The following RYR2 variants were observed in gnomAD, a reference collection of about 807,000 sequenced individuals.
The protein encoded by RYR2 is ryanodine receptor 2, also known as cardiac muscle ryanodine receptor-calcium release channel.
In RYR2, 227 loss-of-function variants were observed where a neutral mutation model predicts 601.1. The ratio of observed to expected loss-of-function variants is 0.38; its 90% confidence interval spans 0.34 to 0.42. RYR2 has a LOEUF of 0.42. Among genes scored for constraint, RYR2 ranks in the 10% least tolerant of loss-of-function variants. The pLI is 1.00. For missense variants in RYR2, 4,646 were observed against 6,156.5 expected, an observed-to-expected ratio of 0.75 and a Z score of 8.21; for synonymous variants, 2,223 against 2,175.1, an observed-to-expected ratio of 1.02 and a Z score of -0.61.
intron 2 of RYR2, among the ~76,000 whole-genome samples, chr1:237,318,967 T>C (rs557677088): frequency 1.3e-5 from 2 of 152,316 alleles, no homozygotes; most frequent in East Asian, 3.9e-4. Flanking sequence ...TACTTGACGT[T>C]ATTCCACTGG....
intron 84 of RYR2, among the ~76,000 whole-genome samples, chr1:237,765,615 T>C (rs1015703856): frequency 1.3e-4 from 20 of 152,230 alleles, no homozygotes; most frequent in African/African-American, 4.1e-4. Flanking sequence ...TTTGATACTC[T>C]TGATTGCTTA....
At position 237,634,697 on chromosome 1, in the gene RYR2, A is replaced by G. The variant is rs7538471; in HGVS notation, c.6689-192A>G. Among the ~76,000 whole-genome samples, 62,883 of 152,030 alleles carry G rather than the reference A, an allele frequency of 0.41. 13,508 individuals are homozygous for G. The highest frequency in any genetic ancestry group is 0.54 in the African/African-American group (22,538 of 41,434). On this transcript the variant is annotated intron_variant, in intron 43 of 104. Transcript: ENST00000366574. ...ACAAAGTATACATATATTTCAAAAC[A>G]TGTACACAATATATACAATTTTTAT...
At chr1:237,581,087 T>C (rs1338097380) in intron 29 of RYR2, among the ~76,000 whole-genome samples, 3 of 152,220 alleles carry the variant, frequency 2.0e-5, no homozygotes, top group South Asian at 2.1e-4. Flanking sequence ...GGAACAGCCT[T>C]ATATTATCAG....
At chr1:237,297,459 G>A (rs79264835) in intron 2 of RYR2, among the ~76,000 whole-genome samples, 1 of 152,042 alleles carries the variant, frequency 6.6e-6, no homozygotes, top group Non-Finnish European at 1.5e-5. Context: ...GAAAAGTAAA[G>A]GTGGGTATTA....
At chr1:237,426,268 A>T (rs1226847026) in intron 12 of RYR2, among the ~76,000 whole-genome samples, 1 of 152,122 alleles carries the variant, frequency 6.6e-6, no homozygotes, top group African/African-American at 2.4e-5. Flanking sequence ...GTAGGTCTTT[A>T]TTCTCCATTG....
chr1:237,779,296 A>G (rs909638451), intron 88 of RYR2, among the ~76,000 whole-genome samples: 1 of 152,220 alleles, frequency 6.6e-6, no homozygotes, highest in African/African-American at 2.4e-5. Context: ...CAGATTTTCT[A>G]CCATGTTTAA....
At chr1:237,068,881 G>T (rs1663971484) in intron 1 of RYR2, among the ~76,000 whole-genome samples, 1 of 151,950 alleles carries the variant, frequency 6.6e-6, no homozygotes, top group Non-Finnish European at 1.5e-5. Flanking sequence ...CTGCTCCTAG[G>T]TGAGCCAGTT....
chr1:237,307,139 G>A (rs16835136), intron 2 of RYR2, among the ~76,000 whole-genome samples: 8,223 of 148,954 alleles, frequency 0.055, 449 homozygotes, highest in African/African-American at 0.14. Context: ...GCTCTAGGAT[G>A]ATAATGTCAT....
chr1:237,717,718 C>T (rs1689379389), intron 72 of RYR2, among the ~76,000 whole-genome samples: 1 of 152,098 alleles, frequency 6.6e-6, no homozygotes, highest in Non-Finnish European at 1.5e-5. Flanking sequence ...ATGTTAAAAG[C>T]ATAATATATT....
intron 29 of RYR2, among the ~76,000 whole-genome samples, chr1:237,586,411 C>T (rs1344776579): frequency 6.6e-6 from 1 of 152,100 alleles, no homozygotes; most frequent in Non-Finnish European, 1.5e-5. Context: ...ATTATACATA[C>T]AAGATCTAAC....
At chr1:237,757,625 G>A in intron 81 of RYR2, 72 bp from the exon 82 acceptor site, 1 of 954,222 alleles carries the variant, frequency 1.0e-6, no homozygotes, top group Non-Finnish European at 1.7e-6. Flanking sequence ...TAAAAGTGCA[G>A]CATTGGAGGT....
intron 2 of RYR2, among the ~76,000 whole-genome samples, chr1:237,308,321 C>T (rs1275962218): frequency 5.9e-5 from 9 of 152,142 alleles, no homozygotes; most frequent in Non-Finnish European, 1.2e-4. Flanking sequence ...CTAGGGTGGA[C>T]ACGTTCCTCC....
intron 33 of RYR2, among the ~76,000 whole-genome samples, chr1:237,594,886 G>GTTTTTTTTGTTTTGTTTTTTTT (rs1675642723): frequency 1.7e-5 from 1 of 60,418 alleles, no homozygotes; most frequent in Admixed American, 2.3e-4. Flanking sequence ...ATATCACTGG[G>GTTTTTTTTGTTTTGTTTTTTTT]TTTTTTTTTT....
At chr1:237,099,063 C>G (rs1667794295) in intron 1 of RYR2, among the ~76,000 whole-genome samples, 1 of 151,486 alleles carries the variant, frequency 6.6e-6, no homozygotes, top group Admixed American at 6.6e-5. Flanking sequence ...AATGAATGGG[C>G]TTTTAAAGAT....
rs727503398 is a variant in RYR2, at chr1:237,503,454, A to G, written c.2562A>G (p.Thr854=). Residue 854 remains threonine (T), a synonymous_variant, in exon 22 of 105, where the codon ACA becomes ACG. Transcript: ENST00000366574. Reference sequence around the variant, plus strand: ...ACACACGCGACCTGCTGGGCCCCACAGTTTCCCTGACGCAAGCTGCCTTCA... The same window carrying G: ...ACACACGCGACCTGCTGGGCCCCACGGTTTCCCTGACGCAAGCTGCCTTCA... ...RTYTRDLLGP[T]VSLTQAAFTP... 1.5e-5 allele frequency: 24 copies of G among 1,613,848 alleles called. No individual in the cohort carries two copies. Among genetic ancestry groups the G allele is most frequent in the African/African-American group, 2.7e-5 (2 of 74,900 alleles).
chr1:237,335,377 T>G (rs1697146702), intron 3 of RYR2, among the ~76,000 whole-genome samples: 1 of 152,242 alleles, frequency 6.6e-6, no homozygotes, highest in South Asian at 2.1e-4. Flanking sequence ...TGAGCACAGA[T>G]ATCAAGTGAG....
intron 45 of RYR2, 79 bp downstream of exon 45, chr1:237,638,571 T>G: frequency 6.9e-7 from 1 of 1,444,576 alleles, no homozygotes; most frequent in Non-Finnish European, 9.5e-7. Flanking sequence ...TCTCAGCACT[T>G]TCATGAAGGA....
At chr1:237,063,514 CTG>C (rs1663140893) in intron 1 of RYR2, among the ~76,000 whole-genome samples, 1 of 151,928 alleles carries the variant, frequency 6.6e-6, no homozygotes, top group Admixed American at 6.6e-5. Flanking sequence ...AAATGCGAGT[CTG>C]TTTATATAAT....
At chr1:237,363,588 A>G (rs1310404516) in intron 4 of RYR2, among the ~76,000 whole-genome samples, 1 of 152,110 alleles carries the variant, frequency 6.6e-6, no homozygotes, top group East Asian at 1.9e-4. Flanking sequence ...AAGTTTGGAA[A>G]TATATCATTG....
Sources: allele counts gnomAD v4.1 joint callset (sites outside exome capture counted in the v4.1 genomes callset), GRCh38; gene constraint gnomAD v4.1.1; transcripts MANE v1.5; gene names NCBI Gene and HGNC (gene_info 2026-07-23, HGNC 2026-07-21).